Variants in LMNTD1 observed in about 807,000 individuals in gnomAD.
LMNTD1 encodes the protein lamin tail domain containing 1, also known as lamin tail domain-containing protein 1.
LMNTD1 carries 35 observed loss-of-function variants against 50.9 expected under a neutral mutation model. The ratio of observed to expected loss-of-function variants is 0.69; its 90% CI spans 0.53 to 0.91. The LOEUF (loss-of-function observed/expected upper bound fraction) is 0.91, where lower values mean the gene tolerates loss of function less well. Among genes scored for constraint, LMNTD1 ranks in the 40% least tolerant of loss-of-function variants. LMNTD1 has a pLI of 0.00. For missense variants in LMNTD1, 470 were observed against 475.5 expected (o/e 0.99, Z 0.11); for synonymous variants, 153 against 161.9 (o/e 0.94, Z 0.42).
At chr12:25,545,676 G>A (rs1204474279) in intron 4 of LMNTD1, among the ~76,000 whole-genome samples, 4 of 151,566 alleles carry the variant, frequency 2.6e-5, no homozygotes, top group African/African-American at 9.7e-5. Context: ...TTAGACAGTA[G>A]AGAAAAATGC....
At chr12:25,645,263 G>C (rs1469493120) in intron 1 of LMNTD1, among the ~76,000 whole-genome samples, 1 of 152,144 alleles carries the variant, frequency 6.6e-6, no homozygotes, top group African/African-American at 2.4e-5. Context: ...TTTAGAAATG[G>C]GTCATGAATT....
At position 25,549,536 on chromosome 12, in the gene LMNTD1, T is replaced by C; in HGVS notation, c.100A>G (p.Lys34Glu). The C allele has an allele frequency of 6.3e-7, 1 of 1,599,958 alleles. No homozygotes were observed. Among genetic ancestry groups the C allele is most frequent in the East Asian group, 2.2e-5 (1 of 44,656 alleles). The part of the protein sequence containing the change: ...KNEKQKQRED[K>E]LGVYSLVHFS... ...TGTACTAAAGAATATACTCCAAGTT[T>C]GTCTTCTCTTCTGTGTACAAAAAAT... Residue 34 changes from lysine (K) to glutamate (E), a missense_variant, in exon 3 of 10, where the codon AAA becomes GAA. Lys to Glu is a moderately conservative substitution (Grantham distance 56). Coordinates refer to ENST00000458174, the MANE Select transcript of LMNTD1 (RefSeq NM_001145728.2).
At chr12:25,637,171 T>G (rs1946853312) in intron 1 of LMNTD1, among the ~76,000 whole-genome samples, 1 of 152,064 alleles carries the variant, frequency 6.6e-6, no homozygotes, top group South Asian at 2.1e-4. Flanking sequence ...AATGTTCCAT[T>G]TACAATATTA....
At chr12:25,482,089 G>A (rs1316919611) in intron 9 of LMNTD1, among the ~76,000 whole-genome samples, 4 of 151,786 alleles carry the variant, frequency 2.6e-5, no homozygotes, top group African/African-American at 4.9e-5. Context: ...ATAAGTATGA[G>A]GATAAAATGG....
intron 4 of LMNTD1, among the ~76,000 whole-genome samples, chr12:25,530,772 A>G (rs1267293733): frequency 6.6e-6 from 1 of 152,200 alleles, no homozygotes; most frequent in Non-Finnish European, 1.5e-5. Context: ...AAAGATGTCT[A>G]TCTCTAATCT....
At position 25,642,470 on chromosome 12, in the gene LMNTD1, C is replaced by T. The variant is rs150044735; in HGVS notation, c.58+6024G>A. 4.1e-3 allele frequency among the ~76,000 whole-genome samples: 622 copies of T among 152,200 alleles called. 1 individual carries two copies. Among genetic ancestry groups the T allele is most frequent in the African/African-American group, 0.014 (579 of 41,540 alleles). On this transcript the variant is annotated intron_variant, in intron 1 of 7. Transcript: ENST00000445693. The stretch of plus-strand genomic sequence containing the variant: ...CTAAGAACCCAACCATGCTGCACTC[C>T]GATCTTGGACTTCCCAGCTTCCAGA...
intron 9 of LMNTD1, among the ~76,000 whole-genome samples, chr12:25,495,249 C>CAT (rs71449919): frequency 1.5e-4 from 21 of 144,770 alleles, no homozygotes; most frequent in African/African-American, 5.4e-4. Context: ...AAAGTGTGTA[C>CAT]GTGTGTGTGT....
intron 1 of LMNTD1, among the ~76,000 whole-genome samples, chr12:25,642,315 G>T (rs1340851512): frequency 1.3e-5 from 2 of 152,160 alleles, no homozygotes; most frequent in African/African-American, 4.8e-5. Context: ...AAGGTCATGA[G>T]GGTTGAGCCC....
chr12:25,503,737 C>T lies in LMNTD1; in HGVS notation c.*22+1G>A. ...AGCAAATTTGCAATACAGTTACTTA[C>T]CTTTAAAGGTTGAGTTGACTGCTTA... On this transcript the variant is annotated splice_donor_variant, in intron 9 of 9. Transcript: ENST00000458174. LOFTEE classifies it low-confidence loss of function (3UTR_SPLICE). 6.5e-7 allele frequency: 1 copy of T among 1,534,674 alleles called. No homozygotes were observed. The highest frequency in any genetic ancestry group is 2.3e-5 in the East Asian group (1 of 44,338).
chr12:25,647,993 T>C (rs1947110501), intron 1 of LMNTD1, among the ~76,000 whole-genome samples: 1 of 152,218 alleles, frequency 6.6e-6, no homozygotes, highest in South Asian at 2.1e-4. Context: ...TATATTACTA[T>C]ATTACTATTA....
At chr12:25,489,199 G>A (rs2135916808) in intron 9 of LMNTD1, among the ~76,000 whole-genome samples, 1 of 151,946 alleles carries the variant, frequency 6.6e-6, no homozygotes, top group Non-Finnish European at 1.5e-5. Flanking sequence ...AAGCAAGCCT[G>A]GGCAATGGCG....
intron 7 of LMNTD1, among the ~76,000 whole-genome samples, chr12:25,519,338 TCC>T (rs1941069099): frequency 1.4e-5 from 2 of 146,186 alleles, no homozygotes; most frequent in Admixed American, 1.4e-4. Context: ...ACGCCTGTAA[TCC>T]CAGCACTTTG....
At chr12:25,540,060 A>C (rs1366172827) in intron 4 of LMNTD1, among the ~76,000 whole-genome samples, 9 of 124,710 alleles carry the variant, frequency 7.2e-5, no homozygotes, top group African/African-American at 2.2e-4. Context: ...CAATAACAGG[A>C]TCTGAAATTG....
At chr12:25,639,434 A>G (rs1021834851) in intron 1 of LMNTD1, among the ~76,000 whole-genome samples, 1 of 152,214 alleles carries the variant, frequency 6.6e-6, no homozygotes. Context: ...CGTGTCCAGA[A>G]TACATAAAGA....
intron 1 of LMNTD1, among the ~76,000 whole-genome samples, chr12:25,584,804 T>A (rs1592072533): frequency 6.6e-6 from 1 of 151,330 alleles, no homozygotes; most frequent in Non-Finnish European, 1.5e-5. Flanking sequence ...TGGAAAATTT[T>A]CATCATAGAC....
chr12:25,577,217 C>A lies in LMNTD1; in HGVS notation c.59-30663G>T, dbSNP rs143059115. On this transcript the variant is annotated intron_variant, in intron 1 of 7. Transcript: ENST00000445693. Reference sequence around the variant, plus strand: ...TATGAACTTTAAAGTAGTTTTTTCCCATTCTGTGAAGAAAGTCACTGGTAG... The same window carrying A: ...TATGAACTTTAAAGTAGTTTTTTCCAATTCTGTGAAGAAAGTCACTGGTAG... Among the ~76,000 whole-genome samples the A allele has an allele frequency of 5.6e-3, 858 of 152,198 alleles. 12 individuals carry two copies. The highest frequency in any genetic ancestry group is 0.043 in the East Asian group (222 of 5,194).
At chr12:25,597,348 C>A (rs764965552) in intron 1 of LMNTD1, among the ~76,000 whole-genome samples, 13 of 151,762 alleles carry the variant, frequency 8.6e-5, no homozygotes, top group Non-Finnish European at 1.8e-4. Flanking sequence ...GAAGAGCAGG[C>A]AGAGCTATAT....
At chr12:25,599,205 A>G (rs913348934) in intron 1 of LMNTD1, among the ~76,000 whole-genome samples, 1 of 152,006 alleles carries the variant, frequency 6.6e-6, no homozygotes, top group Non-Finnish European at 1.5e-5. Context: ...AGAATGAAGG[A>G]AAAAAATGAT....
At chr12:25,560,580 G>T (rs2136300227) in intron 1 of LMNTD1, among the ~76,000 whole-genome samples, 1 of 152,282 alleles carries the variant, frequency 6.6e-6, no homozygotes, top group South Asian at 2.1e-4. Flanking sequence ...ATTCTGTGAA[G>T]AAAGTCATTG....
Sources: gnomAD v4.1 joint callset for allele counts (sites outside exome capture counted in the v4.1 genomes callset) on GRCh38, gnomAD v4.1.1 for gene constraint, MANE v1.5 for transcripts, NCBI Gene and HGNC (gene_info 2026-07-23, HGNC 2026-07-21) for gene names.